The following RPL28 variants were observed in gnomAD, a reference collection of about 807,000 sequenced individuals.
RPL28 encodes the protein large ribosomal subunit protein eL28.
A neutral mutation model predicts 12.5 loss-of-function variants in RPL28; 4 were observed. The observed-to-expected ratio is 0.32, with a 90% CI of 0.16 to 0.73. RPL28 has a LOEUF of 0.73. Ranked by LOEUF, RPL28 falls within the 30% of genes least tolerant of loss-of-function variation. The pLI is 0.66. For missense variants in RPL28, 214 were observed against 197.7 expected (o/e 1.08, Z -0.49); for synonymous variants, 91 against 72.5 (o/e 1.26, Z -1.30).
rs760853513 is a variant in RPL28, at chr19:55,386,730, T to G, written c.205+37T>G. On this transcript the variant is annotated intron_variant, in intron 3 of 4. Transcript: ENST00000344063. ...CTGGTTTGGGCCAGAGAGCGGCCCC[T>G]TTCCCGGGTCTGGGAGCTGTGATTT... 6 of 1,612,202 alleles carry G rather than the reference T, an allele frequency of 3.7e-6. No homozygotes were observed. The African/African-American group carries it at 4.0e-5, about 11-fold the overall frequency.
At chr19:55,394,277 A>G (rs1332099321), downstream of RPL28, among the ~76,000 whole-genome samples, 4 of 152,156 alleles carry the variant, frequency 2.6e-5, no homozygotes, top group African/African-American at 7.2e-5. Flanking sequence ...CAAACAAACA[A>G]ACAAAAAGAT....
Position 55,391,400 on chromosome 19 carries a change from G to T in RPL28, c.*3068G>T, listed in dbSNP as rs1241629154. 10 of 1,284,322 alleles carry T rather than the reference G, an allele frequency of 7.8e-6. No individual in the cohort carries two copies. In the Admixed American group the frequency reaches 1.8e-4, roughly 23 times the overall value. The allele number at this position is 1,284,322 out of a possible 1,614,324, so 79.6% of individuals were successfully genotyped here. ...TAAGGCAGGTGTCTCAGTGTTCACT[G>T]CTGTCTCTCCAGCTCTTAGTCCAGT... On this transcript the variant is annotated 3_prime_UTR_variant, in exon 5 of 5. Coordinates refer to ENST00000344063, the MANE Select transcript of RPL28 (RefSeq NM_000991.5).
chr19:55,393,169 G>A (rs1050239524), downstream of RPL28, among the ~76,000 whole-genome samples: 1 of 151,440 alleles, frequency 6.6e-6, no homozygotes, highest in Non-Finnish European at 1.5e-5. Flanking sequence ...TGTCCCTCCA[G>A]GCTGTTCTCT....
At chr19:55,401,776 C>G (rs768602325) in intron 4 of RPL28, 1 of 1,612,826 alleles carries the variant, frequency 6.2e-7, no homozygotes, top group African/African-American at 1.3e-5. Flanking sequence ...TGGGAAGAGG[C>G]TCAGGGTCAC....
At chr19:55,401,425 A>G (rs1569047848) in intron 4 of RPL28, 1 of 1,584,250 alleles carries the variant, frequency 6.3e-7, no homozygotes, top group East Asian at 2.2e-5. Flanking sequence ...TGGAAGGAGG[A>G]AGAGAGCCCA....
In RPL28 at chr19:55,392,046, C is replaced by G; in HGVS notation, c.*3714C>G. 2 of 1,046,960 alleles carry G rather than the reference C, an allele frequency of 1.9e-6. No individual in the cohort carries two copies. The highest frequency in any genetic ancestry group is 2.3e-6 in the Non-Finnish European group (2 of 870,164). The allele number at this position is 1,046,960 out of a possible 1,614,324, so 64.9% of individuals were successfully genotyped here. On this transcript the variant is annotated 3_prime_UTR_variant, in exon 5 of 5. Transcript: ENST00000344063. Reference sequence around the variant, plus strand: ...GAATGGTATCAATTCCCCTGTTTCTCTTGTAGCCAGTTACTAGAATAAAAT... The same window carrying G: ...GAATGGTATCAATTCCCCTGTTTCTGTTGTAGCCAGTTACTAGAATAAAAT...
At chr19:55,396,965 T>C (rs1032329110), downstream of RPL28, among the ~76,000 whole-genome samples, 3 of 151,670 alleles carry the variant, frequency 2.0e-5, no homozygotes, top group Non-Finnish European at 4.4e-5. Flanking sequence ...CTGCAACCTC[T>C]GCCTGCCAGG....
intron 3 of RPL28, 107 bp from the exon 4 acceptor site, chr19:55,387,823 G>A: frequency 1.4e-6 from 2 of 1,479,202 alleles, no homozygotes; most frequent in Non-Finnish European, 1.8e-6. Context: ...ACCCGCCACG[G>A]GCCCACGCTG....
downstream of RPL28, among the ~76,000 whole-genome samples, chr19:55,395,657 A>C (rs763123474): frequency 1.4e-4 from 21 of 149,338 alleles, no homozygotes; most frequent in South Asian, 1.3e-3. Flanking sequence ...GTTAGCCAGG[A>C]TGGTCTCAAT....
chr19:55,402,406 T>C (rs1248264272), intron 4 of RPL28, among the ~76,000 whole-genome samples: 1 of 152,152 alleles, frequency 6.6e-6, no homozygotes, highest in Non-Finnish European at 1.5e-5. Flanking sequence ...TCGAGGGTGG[T>C]CCAGAGATTC....
At chr19:55,387,522 A>AT in intron 3 of RPL28, 1 of 1,438,120 alleles carries the variant, frequency 7.0e-7, no homozygotes. Context: ...GACTGGCCTG[A>AT]GTGAGGCTGG....
downstream of RPL28, among the ~76,000 whole-genome samples, chr19:55,394,405 G>A (rs1424402868): frequency 6.6e-6 from 1 of 151,740 alleles, no homozygotes; most frequent in Non-Finnish European, 1.5e-5. Context: ...CACCACCGGT[G>A]TGCTCCACCA....
At chr19:55,402,245 T>G (rs966038253) in intron 4 of RPL28, among the ~76,000 whole-genome samples, 6 of 152,224 alleles carry the variant, frequency 3.9e-5, no homozygotes, top group African/African-American at 1.4e-4. Context: ...CACCTGCGTG[T>G]TGGACTCTAA....
In RPL28 at chr19:55,389,429, C is replaced by T. The variant is rs2089968353; in HGVS notation, c.*1097C>T. On this transcript the variant is annotated 3_prime_UTR_variant, in exon 5 of 5. Transcript: ENST00000344063. ...CCTGGGCACCTAACTCTGTCAGCCA[C>T]TGCCAGGGACCAAGGATCCAGCATC... 1.0e-6 allele frequency: 1 copy of T among 985,332 alleles called. No homozygotes were observed. Among genetic ancestry groups the T allele is most frequent in the Non-Finnish European group, 1.2e-6 (1 of 829,958 alleles). 61.0% of individuals were successfully genotyped at this position (985,332 alleles called of 1,614,324 possible).
chr19:55,393,332 C>T (rs1376790948), downstream of RPL28, among the ~76,000 whole-genome samples: 1 of 151,188 alleles, frequency 6.6e-6, no homozygotes, highest in Non-Finnish European at 1.5e-5. Context: ...CCTGTCCAGT[C>T]TCCCCAGCCT....
At chr19:55,393,640 T>TTG (rs2090005706), downstream of RPL28, among the ~76,000 whole-genome samples, 1 of 148,914 alleles carries the variant, frequency 6.7e-6, no homozygotes, top group African/African-American at 2.5e-5. Flanking sequence ...TGTTTTTTTT[T>TTG]TTTTTTTTTT....
Position 55,401,346 on chromosome 19 carries a change from C to A in RPL28, c.325-1597C>A, listed in dbSNP as rs191733596. Reference sequence around the variant, plus strand: ...CCAGTGCCCCCTGTACCCTCCCCGACCCCAGCCATAATTTAAATAACTTAG... The same window carrying A: ...CCAGTGCCCCCTGTACCCTCCCCGAACCCAGCCATAATTTAAATAACTTAG... On this transcript the variant is annotated intron_variant, in intron 4 of 4. Transcript: ENST00000560055. 2.1e-5 allele frequency: 21 copies of A among 1,013,368 alleles called. No individual in the cohort carries two copies. The East Asian group carries it at 4.9e-4, about 24-fold the overall frequency. The allele number at this position is 1,013,368 out of a possible 1,614,324, so 62.8% of individuals were successfully genotyped here.
At position 55,390,700 on chromosome 19, in the gene RPL28, A is replaced by T. The variant is rs2089981905; in HGVS notation, c.*2368A>T. On this transcript the variant is annotated 3_prime_UTR_variant, in exon 5 of 5. Transcript: ENST00000344063. ...TGGGCCTCTGTTCCTGCGGGTGGCC[A>T]GCCTGTCTGTGTGGCTGGGCTGGGG... 1 of 985,396 alleles carries T rather than the reference A, an allele frequency of 1.0e-6. No individual in the cohort carries two copies. The highest frequency in any genetic ancestry group is 6.1e-5 in the Admixed American group (1 of 16,270). The allele number at this position is 985,396 out of a possible 1,614,324, so 61.0% of individuals were successfully genotyped here.
chr19:55,390,005 C>T lies in RPL28; in HGVS notation c.*1673C>T, dbSNP rs11540465. 32,327 of 985,466 alleles carry T rather than the reference C, an allele frequency of 0.033. 570 individuals are homozygous for T. The highest frequency in any genetic ancestry group is 0.042 in the Middle Eastern group (80 of 1,914). 61.0% of individuals were successfully genotyped at this position (985,466 alleles called of 1,614,324 possible). Reference sequence around the variant, plus strand: ...CTCACGTTAGTAGATGGCCCCTTCTCGTGAGGCCTCTCCCCTGGCACCTGC... The same window carrying T: ...CTCACGTTAGTAGATGGCCCCTTCTTGTGAGGCCTCTCCCCTGGCACCTGC... On this transcript the variant is annotated 3_prime_UTR_variant, in exon 5 of 5. Transcript: ENST00000344063.
Sources: gnomAD v4.1 joint callset for allele counts (sites outside exome capture counted in the v4.1 genomes callset) on GRCh38, gnomAD v4.1.1 for gene constraint, MANE v1.5 for transcripts, NCBI Gene and HGNC (gene_info 2026-07-23, HGNC 2026-07-21) for gene names.